Variants in RGS6 observed in about 807,000 individuals in gnomAD.
RGS6 encodes the protein regulator of G-protein signaling 6.
RGS6 carries 30 observed loss-of-function variants against 78.5 expected under a neutral mutation model. That is an observed-to-expected ratio of 0.38 (90% CI 0.29 to 0.52). RGS6 has a LOEUF of 0.52. Among genes scored for constraint, RGS6 ranks in the 20% least tolerant of loss-of-function variants. The pLI, the probability that RGS6 is intolerant of heterozygous loss-of-function variation, is 0.85. For synonymous variants in RGS6, 206 were observed against 206.0 expected (o/e 1.00, Z 0.00); for missense variants, 495 against 609.7 (o/e 0.81, Z 1.98).
intron 3 of RGS6, among the ~76,000 whole-genome samples, chr14:72,445,438 C>T (rs2095339580): frequency 6.6e-6 from 1 of 151,912 alleles, no homozygotes; most frequent in African/African-American, 2.4e-5. Context: ...AATCCACCTG[C>T]CTTGGCCTCC....
At chr14:72,192,441 A>G (rs1328693546) in intron 2 of RGS6, among the ~76,000 whole-genome samples, 1 of 152,222 alleles carries the variant, frequency 6.6e-6, no homozygotes, top group East Asian at 1.9e-4. Context: ...ACACAGCAAG[A>G]ACTCAGATAT....
the RGS6 span, among the ~76,000 whole-genome samples, chr14:71,920,499 G>C: frequency 6.6e-6 from 1 of 152,320 alleles, no homozygotes; most frequent in South Asian, 2.1e-4. Context: ...TGAAGAGAAA[G>C]AGGTAGGAAA....
the RGS6 span, among the ~76,000 whole-genome samples, chr14:72,576,408 T>C: frequency 6.6e-6 from 1 of 152,204 alleles, no homozygotes; most frequent in Admixed American, 6.5e-5. Context: ...GATGATAATA[T>C]GTAGCAAAGG....
chr14:72,147,381 C>G (rs2096619916), intron 2 of RGS6, among the ~76,000 whole-genome samples: 1 of 152,156 alleles, frequency 6.6e-6, no homozygotes, highest in African/African-American at 2.4e-5. Flanking sequence ...GAAAAGAAAG[C>G]CAGCGTCTGG....
chr14:72,542,840 A>C (rs770404226), intron 17 of RGS6, among the ~76,000 whole-genome samples: 5 of 151,550 alleles, frequency 3.3e-5, no homozygotes, highest in Non-Finnish European at 7.4e-5. Flanking sequence ...GTGCCATGAC[A>C]TAGAGGGATT....
In RGS6 at chr14:72,271,920, C is replaced by CTT. The variant is rs35019998; in HGVS notation, c.85-80159_85-80158dup. Among the ~76,000 whole-genome samples the CTT allele has an allele frequency of 3.6e-3, 476 of 132,840 alleles. 4 individuals carry two copies. Among genetic ancestry groups the CTT allele is most frequent in the African/African-American group, 1.0e-2 (365 of 36,628 alleles). 87.1% of individuals were successfully genotyped at this position (132,840 alleles called of 152,430 possible). A position where few individuals can be genotyped will look rare whatever the true frequency, so the allele number is the denominator to read the frequency against. ...TTGAGTCCTCCTTAACACAGCATCA[C>CTT]TTTTTTTTTTTTTTTTTGCCTTCTT... On this transcript the variant is annotated intron_variant, in intron 2 of 17. Transcript: ENST00000553525.
At chr14:72,005,332 CT>C (rs1236096452) in intron 2 of RGS6, among the ~76,000 whole-genome samples, 2 of 152,022 alleles carry the variant, frequency 1.3e-5, no homozygotes, top group Non-Finnish European at 1.5e-5. Flanking sequence ...AATATTTATA[CT>C]TAGAAAGTAT....
intron 2 of RGS6, among the ~76,000 whole-genome samples, chr14:72,081,101 G>T (rs143898102): frequency 6.9e-4 from 105 of 152,148 alleles, no homozygotes; most frequent in Non-Finnish European, 1.0e-3. Context: ...GATTGCTTTA[G>T]GTAGTATGGA....
chr14:72,530,946 T>C (rs573874401), intron 15 of RGS6, among the ~76,000 whole-genome samples: 9 of 152,068 alleles, frequency 5.9e-5, no homozygotes, highest in African/African-American at 2.2e-4. Context: ...ACATGTATAT[T>C]CGACTAATAT....
the RGS6 span, among the ~76,000 whole-genome samples, chr14:71,902,010 G>T: frequency 6.6e-6 from 1 of 152,118 alleles, no homozygotes; most frequent in Non-Finnish European, 1.5e-5. Context: ...TGTGATGCTT[G>T]AGGTTGCAGC....
intron 3 of RGS6, among the ~76,000 whole-genome samples, chr14:72,369,899 C>T (rs1011190084): frequency 3.9e-5 from 6 of 152,032 alleles, no homozygotes; most frequent in African/African-American, 1.4e-4. Context: ...AAAATAATCT[C>T]TTAAAATATT....
the RGS6 span, among the ~76,000 whole-genome samples, chr14:72,583,656 G>C: frequency 6.6e-6 from 1 of 152,274 alleles, no homozygotes; most frequent in East Asian, 1.9e-4. Context: ...CTTCCCTCTG[G>C]CTCAGCCTTC....
chr14:72,085,525 G>A (rs1339025243), intron 2 of RGS6, among the ~76,000 whole-genome samples: 1 of 152,110 alleles, frequency 6.6e-6, no homozygotes, highest in African/African-American at 2.4e-5. Flanking sequence ...TTCCAAGAGT[G>A]TAGAAATTGG....
chr14:72,084,417 GA>G (rs776429301), intron 2 of RGS6, among the ~76,000 whole-genome samples: 16 of 152,298 alleles, frequency 1.1e-4, no homozygotes, highest in Admixed American at 4.6e-4. Flanking sequence ...ACCTGTCCTA[GA>G]ACATCCTGGA....
chr14:72,203,378 A>T (rs959778598), intron 2 of RGS6, among the ~76,000 whole-genome samples: 1 of 152,240 alleles, frequency 6.6e-6, no homozygotes, highest in Non-Finnish European at 1.5e-5. Flanking sequence ...TTAGTTATCT[A>T]TCGCTGTATA....
chr14:72,014,015 A>G (rs1404914946), intron 2 of RGS6, among the ~76,000 whole-genome samples: 1 of 152,186 alleles, frequency 6.6e-6, no homozygotes, highest in Non-Finnish European at 1.5e-5. Flanking sequence ...GTGTTTGATT[A>G]ATAAGTTTCC....
At chr14:72,258,146 G>A (rs2057435504) in intron 2 of RGS6, among the ~76,000 whole-genome samples, 1 of 152,128 alleles carries the variant, frequency 6.6e-6, no homozygotes, top group African/African-American at 2.4e-5. Flanking sequence ...TATCTGGGCT[G>A]TCTTACTCAT....
At chr14:72,567,396 TG>T (rs1413063307), downstream of RGS6, among the ~76,000 whole-genome samples, 1 of 152,236 alleles carries the variant, frequency 6.6e-6, no homozygotes, top group Non-Finnish European at 1.5e-5. Context: ...CCTTCTCAGC[TG>T]GACCATCTGG....
At chr14:72,404,059 C>A (rs1053703603) in intron 3 of RGS6, among the ~76,000 whole-genome samples, 2 of 152,198 alleles carry the variant, frequency 1.3e-5, no homozygotes, top group Admixed American at 1.3e-4. Context: ...GAAGGTTTCC[C>A]TGACCTGGGA....
Sources: allele counts gnomAD v4.1 joint callset (sites outside exome capture counted in the v4.1 genomes callset), GRCh38; gene constraint gnomAD v4.1.1; transcripts MANE v1.5; gene names NCBI Gene and HGNC (gene_info 2026-07-23, HGNC 2026-07-21).